The following RASSF3 variants were observed in gnomAD, a reference collection of about 807,000 sequenced individuals.
RASSF3 encodes the protein ras association domain-containing protein 3.
Under a neutral mutation model 19.9 loss-of-function variants are expected in RASSF3, and 19 were observed. That is an observed-to-expected ratio of 0.96 (90% CI 0.67 to 1.40). The LOEUF (loss-of-function observed/expected upper bound fraction) is 1.40, where lower values mean the gene tolerates loss of function less well. Ranked by LOEUF, RASSF3 falls within the 40% of genes most tolerant of loss-of-function variation. RASSF3 has a pLI of 0.00. For synonymous variants in RASSF3, 110 were observed against 104.2 expected (o/e 1.06, Z -0.34); for missense variants, 306 against 289.8 (o/e 1.06, Z -0.41).
chr12:64,530,852 C>A (rs1003865858), upstream of RASSF3, among the ~76,000 whole-genome samples: 4 of 152,068 alleles, frequency 2.6e-5, no homozygotes, highest in African/African-American at 9.7e-5. Flanking sequence ...ACTTGTTTGC[C>A]ATCTGTATGT....
intron 1 of RASSF3, among the ~76,000 whole-genome samples, chr12:64,527,682 C>G (rs1868616943): frequency 6.6e-6 from 1 of 152,154 alleles, no homozygotes; most frequent in South Asian, 2.1e-4. Context: ...TGCCTGTAAT[C>G]CCAGCATTTT....
intron 2 of RASSF3, among the ~76,000 whole-genome samples, chr12:64,571,654 T>C (rs1869521614): frequency 6.6e-6 from 1 of 152,194 alleles, no homozygotes; most frequent in Admixed American, 6.5e-5. Context: ...TCTGATCTGG[T>C]GTTAACAGCA....
chr12:64,513,377 G>A (rs1219460077), intron 1 of RASSF3, among the ~76,000 whole-genome samples: 1 of 151,236 alleles, frequency 6.6e-6, no homozygotes, highest in Non-Finnish European at 1.5e-5. Context: ...TTGAACCCAG[G>A]AGGTGAAAGT....
At chr12:64,540,995 T>C (rs1592394563) in intron 1 of RASSF3, among the ~76,000 whole-genome samples, 1 of 150,674 alleles carries the variant, frequency 6.6e-6, no homozygotes, top group Non-Finnish European at 1.5e-5. Flanking sequence ...CTGGAATTTT[T>C]TTTTTTTCTA....
At chr12:64,524,214 G>A (rs980786453) in intron 1 of RASSF3, among the ~76,000 whole-genome samples, 1 of 142,500 alleles carries the variant, frequency 7.0e-6, no homozygotes, top group Non-Finnish European at 1.5e-5. Flanking sequence ...ACCATGCCCG[G>A]CAATTTTATT....
intron 2 of RASSF3, among the ~76,000 whole-genome samples, chr12:64,566,470 C>T (rs1042292584): frequency 9.9e-5 from 15 of 152,232 alleles, no homozygotes; most frequent in East Asian, 1.9e-4. Flanking sequence ...GGTGGGAACT[C>T]GGCAAGTATA....
rs146721078 is a variant in RASSF3, at chr12:64,684,431, G to GTTTTTTTT, written c.112-353_112-352insTTTTTTTT. On this transcript the variant is annotated intron_variant, in intron 1 of 4. Transcript: ENST00000542104. The stretch of plus-strand genomic sequence containing the variant: ...TCCTGACTTATCTGTTTGTTTGTTT[G>GTTTTTTTT]TTTGTTTTTTTTTTTTGAGACAGAG... 9.9e-5 allele frequency among the ~76,000 whole-genome samples: 12 copies of GTTTTTTTT among 121,484 alleles called. 1 individual carries two copies. The highest frequency in any genetic ancestry group is 9.0e-3 in the Middle Eastern group (2 of 222). 79.7% of individuals were successfully genotyped at this position (121,484 alleles called of 152,430 possible).
At chr12:64,691,790 T>C (rs1486589515) in intron 4 of RASSF3, among the ~76,000 whole-genome samples, 1 of 94,502 alleles carries the variant, frequency 1.1e-5, no homozygotes, top group Non-Finnish European at 2.4e-5. Flanking sequence ...ATGATGTCAT[T>C]CTCTCACAAC....
intron 1 of RASSF3, among the ~76,000 whole-genome samples, chr12:64,525,126 A>C (rs1209434871): frequency 6.6e-6 from 1 of 152,066 alleles, no homozygotes; most frequent in Non-Finnish European, 1.5e-5. Context: ...AAATACAAAA[A>C]TTAGCCAGGC....
At chr12:64,531,337 T>A (rs11831603), upstream of RASSF3, among the ~76,000 whole-genome samples, 2,248 of 152,318 alleles carry the variant, frequency 0.015, 58 homozygotes, top group African/African-American at 0.051. Context: ...AGTACCTTTT[T>A]ACCTTTATTG....
chr12:64,544,499 C>G (rs1222514535), downstream of RASSF3, among the ~76,000 whole-genome samples: 3 of 152,116 alleles, frequency 2.0e-5, no homozygotes, highest in Non-Finnish European at 2.9e-5. Flanking sequence ...CGCCTGTGGT[C>G]CCAACTACCT....
intron 2 of RASSF3, among the ~76,000 whole-genome samples, chr12:64,580,915 A>G (rs374198244): frequency 6.6e-6 from 1 of 152,020 alleles, no homozygotes; most frequent in Non-Finnish European, 1.5e-5. Context: ...CTATTTCCAA[A>G]TAAGTCACAA....
At chr12:64,522,411 T>A (rs1868498266) in intron 1 of RASSF3, among the ~76,000 whole-genome samples, 1 of 152,186 alleles carries the variant, frequency 6.6e-6, no homozygotes, top group South Asian at 2.1e-4. Flanking sequence ...TGTTAGGGCA[T>A]GCCCAATGCT....
At chr12:64,627,291 C>G (rs1871029048) in intron 1 of RASSF3, among the ~76,000 whole-genome samples, 1 of 152,180 alleles carries the variant, frequency 6.6e-6, no homozygotes, top group South Asian at 2.1e-4. Context: ...CTTTTATCTG[C>G]AAAGTCGTGA....
chr12:64,602,560 C>G (rs1348610929), intron 2 of RASSF3, among the ~76,000 whole-genome samples: 3 of 149,142 alleles, frequency 2.0e-5, no homozygotes, highest in Non-Finnish European at 4.5e-5. Context: ...CAGCCTGGTG[C>G]CAGAGCGAGA....
intron 2 of RASSF3, among the ~76,000 whole-genome samples, chr12:64,598,317 A>C (rs765875843): frequency 6.6e-6 from 1 of 152,224 alleles, no homozygotes; most frequent in African/African-American, 2.4e-5. Context: ...TTATCATTAC[A>C]TAATTGTTCT....
chr12:64,580,493 G>A (rs1592407286), intron 2 of RASSF3, among the ~76,000 whole-genome samples: 1 of 151,770 alleles, frequency 6.6e-6, no homozygotes, highest in East Asian at 1.9e-4. Context: ...GAGTCCAGGA[G>A]ATCGAGGCTG....
chr12:64,546,691 T>C (rs1869069565), downstream of RASSF3, among the ~76,000 whole-genome samples: 1 of 152,216 alleles, frequency 6.6e-6, no homozygotes. Context: ...GGTTCTCAAG[T>C]CATTAACAGA....
intron 2 of RASSF3, among the ~76,000 whole-genome samples, chr12:64,590,622 G>A (rs1299867206): frequency 2.0e-5 from 3 of 152,134 alleles, no homozygotes; most frequent in African/African-American, 7.2e-5. Context: ...CAGAGTGCTG[G>A]AGTAAAAGCT....
Sources: gnomAD v4.1 joint callset for allele counts (sites outside exome capture counted in the v4.1 genomes callset) on GRCh38, gnomAD v4.1.1 for gene constraint, MANE v1.5 for transcripts, NCBI Gene and HGNC (gene_info 2026-07-23, HGNC 2026-07-21) for gene names.